The following CNTNAP3B variants were observed in gnomAD, a reference collection of about 807,000 sequenced individuals.
CNTNAP3B encodes contactin associated protein family member 3B, also known as contactin-associated protein-like 3B.
Under a neutral mutation model 108.9 loss-of-function variants are expected in CNTNAP3B, and 25 were observed. The ratio of observed to expected loss-of-function variants is 0.23; its 90% CI spans 0.17 to 0.32. CNTNAP3B has a LOEUF of 0.32. Ranked by LOEUF, CNTNAP3B falls within the 10% of genes least tolerant of loss-of-function variation. The pLI, the probability that CNTNAP3B is intolerant of heterozygous loss-of-function variation, is 1.00. For missense variants in CNTNAP3B, 252 were observed against 1,210.4 expected, an observed-to-expected ratio of 0.21 and a Z score of 11.75; for synonymous variants, 103 against 473.4, an observed-to-expected ratio of 0.22 and a Z score of 10.16.
At chr9:42,060,721 TTTC>T (rs1320602748) in intron 3 of CNTNAP3B, among the ~76,000 whole-genome samples, 1 of 132,338 alleles carries the variant, frequency 7.6e-6, no homozygotes. Flanking sequence ...TTGCTCAGAT[TTTC>T]TTTTTTTATG....
At chr9:42,108,159 G>C (rs1434654802) in intron 1 of CNTNAP3B, among the ~76,000 whole-genome samples, 1 of 137,642 alleles carries the variant, frequency 7.3e-6, no homozygotes, top group Non-Finnish European at 1.5e-5. Context: ...CCCCACAAGT[G>C]TTACAGGGGC....
In CNTNAP3B at chr9:42,030,813, GGAGA is replaced by G. The variant is rs71274672; in HGVS notation, c.391-17292_391-17289del. On this transcript the variant is annotated intron_variant, in intron 3 of 23. Coordinates refer to ENST00000377561, the MANE Select transcript of CNTNAP3B (RefSeq NM_001201380.3). ...TGTGCGAGAGAGAGAGAGAGAGAGA[GGAGA>G]GAGAGAGAGAGAGAGAGAGAGAGAG... is the stretch of plus-strand genomic sequence containing the variant. 1.5e-4 allele frequency among the ~76,000 whole-genome samples: 10 copies of G among 65,774 alleles called. 2 individuals carry two copies. The highest frequency in any genetic ancestry group is 1.5e-3 in the East Asian group (3 of 2,004). 43.2% of individuals were successfully genotyped at this position (65,774 alleles called of 152,430 possible).
At chr9:42,112,823 A>G (rs1199345397) in intron 1 of CNTNAP3B, among the ~76,000 whole-genome samples, 3 of 135,876 alleles carry the variant, frequency 2.2e-5, no homozygotes, top group Non-Finnish European at 3.1e-5. Flanking sequence ...TATGAGAACT[A>G]CAAAAGACAC....
intron 11 of CNTNAP3B, among the ~76,000 whole-genome samples, chr9:41,962,749 A>G (rs1169531232): frequency 1.1e-4 from 16 of 151,612 alleles, no homozygotes; most frequent in Admixed American, 9.9e-4. Context: ...AGGTCAGGAG[A>G]TCGAGACCAT....
intron 13 of CNTNAP3B, among the ~76,000 whole-genome samples, chr9:41,946,006 A>G (rs1184419196): frequency 1.3e-5 from 2 of 152,286 alleles, no homozygotes; most frequent in Non-Finnish European, 2.9e-5. Flanking sequence ...GCATTACACA[A>G]TAATAAAGGG....
chr9:41,953,136 G>A (rs749835523), intron 13 of CNTNAP3B, 47 bp downstream of exon 13: 20 of 1,468,306 alleles, frequency 1.4e-5, no homozygotes, highest in East Asian at 2.8e-5. Flanking sequence ...CCCGAGGGCC[G>A]CGCCCCGGCC....
chr9:41,952,096 A>G (rs1824706237), intron 13 of CNTNAP3B, among the ~76,000 whole-genome samples: 1 of 152,274 alleles, frequency 6.6e-6, no homozygotes, highest in Admixed American at 6.5e-5. Context: ...ATGGTCTGGC[A>G]TATTCCAGGG....
intron 12 of CNTNAP3B, 44 bp from the exon 13 acceptor site, chr9:41,953,430 C>A (rs62536499): frequency 4.0e-6 from 6 of 1,504,846 alleles, no homozygotes; most frequent in African/African-American, 2.8e-5. Flanking sequence ...GGGCGGCAGA[C>A]GCCAGCAGCA....
chr9:41,956,112 CGTG>C (rs1399766870), intron 12 of CNTNAP3B, among the ~76,000 whole-genome samples: 1 of 152,222 alleles, frequency 6.6e-6, no homozygotes, highest in Admixed American at 6.5e-5. Flanking sequence ...TGTGGCCAGG[CGTG>C]GTGGCTCACG....
chr9:41,931,029 G>A (rs1324190530), intron 14 of CNTNAP3B, among the ~76,000 whole-genome samples: 13 of 152,220 alleles, frequency 8.5e-5, no homozygotes, highest in African/African-American at 2.4e-4. Flanking sequence ...GTCCAGTTAC[G>A]GTTAGAAACT....
chr9:41,934,858 G>A (rs1318358918), intron 14 of CNTNAP3B, among the ~76,000 whole-genome samples: 1 of 152,280 alleles, frequency 6.6e-6, no homozygotes, highest in Non-Finnish European at 1.5e-5. Flanking sequence ...ACACTAGTAT[G>A]CATTTAAACC....
chr9:41,929,378 GTCTGTCA>G lies in CNTNAP3B; in HGVS notation c.2297_2303del (p.Met766ThrfsTer83). The G allele has an allele frequency of 6.5e-7, 1 of 1,544,930 alleles. No individual in the cohort carries two copies. Among genetic ancestry groups the G allele is most frequent in the East Asian group, 2.3e-5 (1 of 43,480 alleles). Reference sequence around the variant, plus strand: ...CTGCTTCGGAATGTGGTTGGCCTGTGTCTGTCATCACAATCTGAGTGACTGGGAGGTG... The same window carrying G: ...CTGCTTCGGAATGTGGTTGGCCTGTGTCACAATCTGAGTGACTGGGAGGTG... On this transcript the variant is annotated frameshift_variant, in exon 15 of 24. Transcript: ENST00000377561. LOFTEE classifies it high-confidence loss of function.
chr9:41,965,286 C>T (rs1237965212), intron 10 of CNTNAP3B, among the ~76,000 whole-genome samples: 1 of 152,192 alleles, frequency 6.6e-6, no homozygotes, highest in Non-Finnish European at 1.5e-5. Flanking sequence ...TCACAGGGAA[C>T]CTCAAGGGAC....
chr9:41,960,591 T>C (rs1296456775), intron 12 of CNTNAP3B, among the ~76,000 whole-genome samples, 182 bp downstream of exon 12: 1 of 152,294 alleles, frequency 6.6e-6, no homozygotes, highest in Admixed American at 6.5e-5. Flanking sequence ...TTGCCTATAA[T>C]CCAACCCAGG....
chr9:42,129,250 C>T lies in CNTNAP3B; in HGVS notation c.-156G>A. ...TCTAGCTCTCTTCCTCACGCACTGG[C>T]AGCCTCCCTCGGCGCTGCAGACCCT... On this transcript the variant is annotated 5_prime_UTR_variant, in exon 1 of 24. Coordinates refer to ENST00000377561, the MANE Select transcript of CNTNAP3B (RefSeq NM_001201380.3). The T allele has an allele frequency of 1.8e-6, 2 of 1,138,818 alleles. No homozygotes were observed. The highest frequency in any genetic ancestry group is 1.8e-5 in the South Asian group (1 of 54,810). 70.5% of individuals were successfully genotyped at this position (1,138,818 alleles called of 1,614,324 possible).
At chr9:42,077,763 CA>C (rs1264894443) in intron 2 of CNTNAP3B, among the ~76,000 whole-genome samples, 4 of 103,456 alleles carry the variant, frequency 3.9e-5, no homozygotes, top group Non-Finnish European at 7.8e-5. Flanking sequence ...AGCGCTCATC[CA>C]CCTTGGACAA....
chr9:41,969,646 C>G (rs1587162175), intron 10 of CNTNAP3B, among the ~76,000 whole-genome samples: 1 of 152,106 alleles, frequency 6.6e-6, no homozygotes, highest in African/African-American at 2.4e-5. Context: ...GAGACCGAGT[C>G]TCGCTCTGTC....
intron 13 of CNTNAP3B, among the ~76,000 whole-genome samples, chr9:41,950,048 C>G (rs937221392): frequency 8.1e-6 from 1 of 123,130 alleles, no homozygotes; most frequent in Non-Finnish European, 1.7e-5. Context: ...CAAATCCAAA[C>G]AATCCAATTA....
At chr9:42,058,236 G>A (rs1827114407) in intron 3 of CNTNAP3B, among the ~76,000 whole-genome samples, 1 of 152,060 alleles carries the variant, frequency 6.6e-6, no homozygotes, top group African/African-American at 2.4e-5. Context: ...ACACAATAGT[G>A]GGATTGCTGA....
Sources: gnomAD v4.1 joint callset for allele counts (sites outside exome capture counted in the v4.1 genomes callset) on GRCh38, gnomAD v4.1.1 for gene constraint, MANE v1.5 for transcripts, NCBI Gene and HGNC (gene_info 2026-07-23, HGNC 2026-07-21) for gene names.